The following TACR3 variants were observed in gnomAD, a reference collection of about 807,000 sequenced individuals.
The protein encoded by TACR3 is tachykinin receptor 3, also known as neuromedin-K receptor.
A neutral mutation model predicts 35.0 loss-of-function variants in TACR3; 34 were observed. That is an observed-to-expected ratio of 0.97 (90% CI 0.74 to 1.30). The LOEUF is 1.30. TACR3 is among the 50% of genes most tolerant of loss of function. TACR3 has a pLI of 0.00. For synonymous variants in TACR3, 233 were observed against 221.1 expected (o/e 1.05, Z -0.48); for missense variants, 558 against 591.7 (o/e 0.94, Z 0.59).
chr4:103,653,616 C>A (rs1202019522), intron 3 of TACR3, among the ~76,000 whole-genome samples: 1 of 152,080 alleles, frequency 6.6e-6, no homozygotes, highest in East Asian at 1.9e-4. Context: ...CTAGGCAATA[C>A]CATTCAGGAC....
intron 1 of TACR3, among the ~76,000 whole-genome samples, chr4:103,700,675 A>C (rs899354947): frequency 6.6e-6 from 1 of 152,188 alleles, no homozygotes; most frequent in African/African-American, 2.4e-5. Flanking sequence ...TCAGACATCA[A>C]ATGTGTTTTT....
chr4:103,592,435 A>G (rs898360196), intron 3 of TACR3, among the ~76,000 whole-genome samples: 4 of 152,174 alleles, frequency 2.6e-5, no homozygotes, highest in Admixed American at 2.0e-4. Flanking sequence ...TCAAAGTAGA[A>G]TGTCAGCTGT....
At chr4:103,595,641 A>C (rs947850818) in intron 3 of TACR3, among the ~76,000 whole-genome samples, 1 of 152,164 alleles carries the variant, frequency 6.6e-6, no homozygotes, top group African/African-American at 2.4e-5. Context: ...TTTGGGTTGT[A>C]AAAGCAAAAA....
At chr4:103,655,247 T>C (rs1160339608) in intron 3 of TACR3, among the ~76,000 whole-genome samples, 4 of 152,156 alleles carry the variant, frequency 2.6e-5, no homozygotes, top group African/African-American at 9.6e-5. Flanking sequence ...TAAAACCTGA[T>C]TGATCACTGT....
chr4:103,626,573 T>C (rs1421976969), intron 3 of TACR3, among the ~76,000 whole-genome samples: 3 of 152,186 alleles, frequency 2.0e-5, no homozygotes, highest in Non-Finnish European at 4.4e-5. Flanking sequence ...CGTGTAGTCC[T>C]TGCTATTCAT....
chr4:103,605,038 A>T (rs560435290), intron 3 of TACR3, among the ~76,000 whole-genome samples: 31 of 142,480 alleles, frequency 2.2e-4, no homozygotes, highest in Non-Finnish European at 3.3e-4. Context: ...TGTCCATGTG[A>T]TCTCATTGTT....
intron 3 of TACR3, among the ~76,000 whole-genome samples, chr4:103,648,558 G>C (rs1447159491): frequency 1.3e-5 from 2 of 151,876 alleles, no homozygotes; most frequent in African/African-American, 4.8e-5. Flanking sequence ...TCTGTGCCTG[G>C]CTTATTTCAC....
At chr4:103,632,437 G>C (rs567990941) in intron 3 of TACR3, among the ~76,000 whole-genome samples, 47 of 151,472 alleles carry the variant, frequency 3.1e-4, no homozygotes, top group Non-Finnish European at 5.6e-4. Context: ...CACAGGAACA[G>C]AAAATCAAAC....
At chr4:103,619,064 A>G (rs578023946) in intron 3 of TACR3, among the ~76,000 whole-genome samples, 2 of 152,188 alleles carry the variant, frequency 1.3e-5, no homozygotes, top group South Asian at 2.1e-4. Context: ...TTCTTTTCCT[A>G]TTTGGATGCT....
At chr4:103,691,085 T>C (rs1444333949) in intron 1 of TACR3, among the ~76,000 whole-genome samples, 1 of 152,188 alleles carries the variant, frequency 6.6e-6, no homozygotes, top group African/African-American at 2.4e-5. Flanking sequence ...ATGTTTTCTA[T>C]ACAACCCAAC....
At chr4:103,653,208 G>T (rs1349453625) in intron 3 of TACR3, among the ~76,000 whole-genome samples, 1 of 151,894 alleles carries the variant, frequency 6.6e-6, no homozygotes, top group Non-Finnish European at 1.5e-5. Context: ...TTCTAGAAGG[G>T]TCACACTCCC....
intron 1 of TACR3, among the ~76,000 whole-genome samples, chr4:103,668,479 T>C (rs1054029628): frequency 6.6e-6 from 1 of 152,194 alleles, no homozygotes; most frequent in African/African-American, 2.4e-5. Flanking sequence ...GAGGTGGCTG[T>C]TGCAATTTTT....
intron 3 of TACR3, chr4:103,593,162 C>T (rs983903602): frequency 4.6e-5 from 7 of 151,986 alleles, no homozygotes; most frequent in Non-Finnish European, 8.8e-5. Flanking sequence ...CAATATTTTA[C>T]GTATTTAACA....
intron 3 of TACR3, among the ~76,000 whole-genome samples, chr4:103,646,242 A>C (rs1337109679): frequency 1.3e-5 from 2 of 152,028 alleles, no homozygotes; most frequent in Non-Finnish European, 2.9e-5. Context: ...ACTTGAAAGC[A>C]GTTCATTTTT....
intron 1 of TACR3, among the ~76,000 whole-genome samples, chr4:103,708,416 C>A (rs954531053): frequency 2.0e-5 from 3 of 152,182 alleles, no homozygotes; most frequent in Non-Finnish European, 2.9e-5. Context: ...GGACCTCCAG[C>A]AAACACCAAC....
At chr4:103,688,933 T>TA (rs1261489726) in intron 1 of TACR3, among the ~76,000 whole-genome samples, 9 of 152,086 alleles carry the variant, frequency 5.9e-5, no homozygotes, top group African/African-American at 2.2e-4. Context: ...CATGCTGCTA[T>TA]AAAAACACAT....
intron 1 of TACR3, among the ~76,000 whole-genome samples, chr4:103,707,102 C>A (rs1228445072): frequency 6.6e-6 from 1 of 152,172 alleles, no homozygotes; most frequent in Non-Finnish European, 1.5e-5. Flanking sequence ...AATAAAAATA[C>A]ACAGGAAACC....
chr4:103,623,588 T>C (rs761884964), intron 3 of TACR3, among the ~76,000 whole-genome samples: 6 of 152,146 alleles, frequency 3.9e-5, no homozygotes, highest in Admixed American at 2.0e-4. Flanking sequence ...GTTAAATCCT[T>C]TATTTTTGAA....
At chr4:103,603,095 G>T (rs1178711894) in intron 3 of TACR3, among the ~76,000 whole-genome samples, 1 of 152,192 alleles carries the variant, frequency 6.6e-6, no homozygotes, top group Non-Finnish European at 1.5e-5. Flanking sequence ...CTCAGCAATG[G>T]CAGGTGCCCC....
Sources: gnomAD v4.1 joint callset for allele counts (sites outside exome capture counted in the v4.1 genomes callset) on GRCh38, gnomAD v4.1.1 for gene constraint, MANE v1.5 for transcripts, NCBI Gene and HGNC (gene_info 2026-07-23, HGNC 2026-07-21) for gene names.